Variants in SIM2 observed in about 807,000 individuals in gnomAD.
SIM2 encodes the protein SIM bHLH transcription factor 2.
A neutral mutation model predicts 64.8 loss-of-function variants in SIM2; 28 were observed. The ratio of observed to expected loss-of-function variants is 0.43; its 90% CI spans 0.32 to 0.59. The LOEUF (loss-of-function observed/expected upper bound fraction) is 0.59. Ranked by LOEUF, SIM2 falls within the 20% of genes least tolerant of loss-of-function variation. The pLI is 0.07. For synonymous variants in SIM2, 408 were observed against 391.1 expected (o/e 1.04, Z -0.51); for missense variants, 847 against 871.4 (o/e 0.97, Z 0.35).
intron 4 of SIM2, chr21:36,720,202 C>A: frequency 2.5e-6 from 1 of 397,722 alleles, no homozygotes; most frequent in African/African-American, 2.0e-5. Flanking sequence ...GCCTGCTCCC[C>A]TCGTGCTCTT....
Position 36,745,059 on chromosome 21 carries a change from GCAGCTCGTC to G in SIM2, c.1500_1508del (p.Ser501_Ser503del). On this transcript the variant is annotated inframe_deletion, in exon 10 of 11. Transcript: ENST00000290399. The surrounding 1 kb of genome is among the most constrained non-coding windows in gnomAD (Gnocchi z 4.8). ...CATTATGCCAACCCCCTAGTGCCTA[GCAGCTCGTC>G]TCCAGCTAAAAATCCTCCAGAGCCA... The G allele has an allele frequency of 6.2e-7, 1 of 1,613,662 alleles. No homozygotes were observed. The highest frequency in any genetic ancestry group is 8.5e-7 in the Non-Finnish European group (1 of 1,179,592).
intron 1 of SIM2, among the ~76,000 whole-genome samples, chr21:36,708,109 G>A (rs1161128591): frequency 2.0e-5 from 3 of 152,212 alleles, no homozygotes; most frequent in Non-Finnish European, 4.4e-5. Context: ...GGGTGCAGGC[G>A]GTGCACCGAC....
At chr21:36,703,316 T>C (rs2088532162) in intron 1 of SIM2, among the ~76,000 whole-genome samples, 1 of 152,138 alleles carries the variant, frequency 6.6e-6, no homozygotes, top group African/African-American at 2.4e-5. Context: ...TGAGGCCCCA[T>C]TGTCATGCAG....
intron 9 of SIM2, among the ~76,000 whole-genome samples, chr21:36,744,466 G>GAGAA (rs35829364): frequency 2.4e-4 from 36 of 150,928 alleles, no homozygotes; most frequent in East Asian, 3.9e-4. Flanking sequence ...GAAGGAAAAA[G>GAGAA]AGAAAGAAAG....
chr21:36,716,880 G>T (rs926337551), intron 3 of SIM2, among the ~76,000 whole-genome samples: 6 of 151,060 alleles, frequency 4.0e-5, no homozygotes, highest in Non-Finnish European at 7.4e-5. Context: ...TTTTTGTGAG[G>T]TAGTCACATT....
intron 4 of SIM2, 102 bp from the exon 5 acceptor site, chr21:36,722,943 T>A: frequency 2.3e-6 from 2 of 876,902 alleles, no homozygotes; most frequent in South Asian, 2.8e-5. Context: ...AGAAGGCCTC[T>A]GGGTGCTGCA....
At chr21:36,740,433 A>T (rs757742881) in intron 7 of SIM2, among the ~76,000 whole-genome samples, 7 of 152,188 alleles carry the variant, frequency 4.6e-5, no homozygotes, top group Non-Finnish European at 8.8e-5. Flanking sequence ...CATTTTGCCC[A>T]TTATATTTAT....
chr21:36,722,688 C>T (rs1419728981), intron 4 of SIM2, among the ~76,000 whole-genome samples: 1 of 152,212 alleles, frequency 6.6e-6, no homozygotes, highest in East Asian at 1.9e-4. Context: ...GGGTCACACA[C>T]ACTCAAGTCC....
In SIM2 at chr21:36,748,209, G is replaced by C; in HGVS notation, c.*117G>C. On this transcript the variant is annotated 3_prime_UTR_variant, in exon 11 of 11. Coordinates refer to ENST00000290399, the MANE Select transcript of SIM2 (RefSeq NM_005069.6). ...TATGCAGAGACAGCTGTTTGAATTGGACCCCGCCGCCGACTTGCGGATTTC... is the reference window on the plus strand; with the variant it reads ...TATGCAGAGACAGCTGTTTGAATTGCACCCCGCCGCCGACTTGCGGATTTC... The C allele has an allele frequency of 4.3e-6, 2 of 464,642 alleles. No individual in the cohort carries two copies. The highest frequency in any genetic ancestry group is 5.9e-6 in the Non-Finnish European group (2 of 339,222). 28.8% of individuals were successfully genotyped at this position (464,642 alleles called of 1,614,324 possible).
chr21:36,708,086 TC>T (rs1254163718), intron 1 of SIM2, among the ~76,000 whole-genome samples: 2 of 151,926 alleles, frequency 1.3e-5, no homozygotes, highest in African/African-American at 4.8e-5. Context: ...CGCGTTGTCC[TC>T]CGGGGAGGTT....
chr21:36,740,379 G>A (rs558998808), intron 7 of SIM2, among the ~76,000 whole-genome samples: 1 of 152,276 alleles, frequency 6.6e-6, no homozygotes, highest in Admixed American at 6.5e-5. Flanking sequence ...TCTGATGGAT[G>A]GATCTGCCTT....
chr21:36,707,975 G>GGGCATCA, intron 1 of SIM2, among the ~76,000 whole-genome samples: 1 of 152,254 alleles, frequency 6.6e-6, no homozygotes. Flanking sequence ...CTGGCCCAGC[G>GGGCATCA]TGGGTTGGGG....
chr21:36,744,668 C>T (rs2089205965), intron 9 of SIM2, 60 bp from the exon 10 acceptor site: 12 of 1,504,640 alleles, frequency 8.0e-6, no homozygotes, highest in Middle Eastern at 2.0e-4. Context: ...CTTGCAGGGC[C>T]GGAAGGCAGC....
At chr21:36,744,032 T>C (rs1478429577) in intron 9 of SIM2, among the ~76,000 whole-genome samples, 1 of 152,196 alleles carries the variant, frequency 6.6e-6, no homozygotes, top group African/African-American at 2.4e-5. Context: ...GTGGATCACC[T>C]GAGGTCAGGA....
Position 36,749,686 on chromosome 21 carries a change from TA to T in SIM2, c.*1595del, listed in dbSNP as rs1256704012. The T allele has an allele frequency of 6.6e-6, 1 of 152,210 alleles. No homozygotes were observed. Among genetic ancestry groups the T allele is most frequent in the Non-Finnish European group, 1.5e-5 (1 of 68,040 alleles). The allele number at this position is 152,210 out of a possible 1,614,324, so 9.4% of individuals were successfully genotyped here. ...TGCACAGGAAATAAGCCGAGGGTATTATTTTTTTATGTTCATGAGTCTTGTA... is the reference window on the plus strand; with the variant it reads ...TGCACAGGAAATAAGCCGAGGGTATTTTTTTTTATGTTCATGAGTCTTGTA... On this transcript the variant is annotated 3_prime_UTR_variant, in exon 11 of 11. Coordinates refer to ENST00000290399, the MANE Select transcript of SIM2 (RefSeq NM_005069.6).
chr21:36,701,769 A>G (rs56375654), intron 1 of SIM2, among the ~76,000 whole-genome samples: 11,684 of 152,312 alleles, frequency 0.077, 513 homozygotes, highest in Middle Eastern at 0.19. Flanking sequence ...TTTAGGGGAA[A>G]TTAAAAGAAC....
chr21:36,742,449 T>C (rs2089174587), intron 8 of SIM2, among the ~76,000 whole-genome samples: 1 of 21,632 alleles, frequency 4.6e-5, no homozygotes, highest in South Asian at 2.2e-3. Flanking sequence ...AGAGACGGGG[T>C]TTTGCTATGT....
chr21:36,745,219 G>A lies in SIM2; in HGVS notation c.1576+83G>A. 6.6e-7 allele frequency: 1 copy of A among 1,514,868 alleles called. No individual in the cohort carries two copies. The highest frequency in any genetic ancestry group is 8.9e-7 in the Non-Finnish European group (1 of 1,129,570). 93.8% of individuals were successfully genotyped at this position (1,514,868 alleles called of 1,614,324 possible). On this transcript the variant is annotated intron_variant, in intron 10 of 10. Transcript: ENST00000290399. This position sits in a 1 kb window ranked among gnomAD's most constrained non-coding sequence, Gnocchi z 4.8. ...GCAGCCATGGCGGTGGGTGGCAGAT[G>A]GAGACAGAACCCTCACGCTTTGGGC...
Position 36,741,864 on chromosome 21 carries a change from C to T in SIM2, c.998C>T (p.Thr333Met), listed in dbSNP as rs1275137940. 5.1e-6 allele frequency: 8 copies of T among 1,576,904 alleles called. No individual in the cohort carries two copies. Among genetic ancestry groups the T allele is most frequent in the Non-Finnish European group, 6.9e-6 (8 of 1,159,864 alleles). ...HCIVSVNYVL[T>M]EIEYKELQLS... is the part of the protein sequence containing the mutation. The stretch of plus-strand genomic sequence containing the variant: ...ATCGTGAGTGTCAATTATGTACTCA[C>T]GTAAGTCACACGTATTTGTTTCTCT... The change falls in exon 8 of 11, where the codon ACG becomes ATG. Residue 333 changes from threonine (T) to methionine (M), a missense_variant and splice_region_variant. By Grantham distance (81) the Thr-to-Met change is moderately conservative. Transcript: ENST00000290399.
Sources: allele counts gnomAD v4.1 joint callset (sites outside exome capture counted in the v4.1 genomes callset), GRCh38; gene constraint gnomAD v4.1.1; non-coding constraint Gnocchi (gnomAD v3.1); transcripts MANE v1.5; gene names NCBI Gene and HGNC (gene_info 2026-07-23, HGNC 2026-07-21).